The following AMBRA1 variants were observed in gnomAD, a reference collection of about 807,000 sequenced individuals.
AMBRA1 encodes the protein autophagy and beclin 1 regulator 1, also known as activating molecule in BECN1-regulated autophagy protein 1.
Under a neutral mutation model 125.4 loss-of-function variants are expected in AMBRA1, and 47 were observed. That is an observed-to-expected ratio of 0.37 (90% CI 0.30 to 0.48). AMBRA1 has a LOEUF of 0.48. Among genes scored for constraint, AMBRA1 ranks in the 20% least tolerant of loss-of-function variants. AMBRA1 has a pLI of 0.99. For synonymous variants in AMBRA1, 626 were observed against 655.5 expected, an observed-to-expected ratio of 0.95 and a Z score of 0.69; for missense variants, 1,331 against 1,693.4, an observed-to-expected ratio of 0.79 and a Z score of 3.76.
chr11:46,587,922 G>C (rs1178951437), intron 1 of AMBRA1, among the ~76,000 whole-genome samples: 1 of 152,022 alleles, frequency 6.6e-6, no homozygotes, highest in African/African-American at 2.4e-5. Flanking sequence ...GAATATTTCT[G>C]ACCTCAGAAA....
At chr11:46,515,477 C>T (rs1951439505) in intron 7 of AMBRA1, among the ~76,000 whole-genome samples, 1 of 97,236 alleles carries the variant, frequency 1.0e-5, no homozygotes, top group Non-Finnish European at 2.2e-5. Context: ...CATCTCAAAA[C>T]AAACAAACAA....
intron 1 of AMBRA1, among the ~76,000 whole-genome samples, chr11:46,576,997 G>C (rs990848410): frequency 1.3e-5 from 2 of 152,154 alleles, no homozygotes; most frequent in African/African-American, 4.8e-5. Flanking sequence ...CCCAATCTAA[G>C]CCCAGCCAAC....
Position 46,562,653 on chromosome 11 carries a change from G to A in AMBRA1, c.-120-14153C>T, listed in dbSNP as rs551069223. Among the ~76,000 whole-genome samples, 10 of 152,116 alleles carry A rather than the reference G, an allele frequency of 6.6e-5. No homozygotes were observed. In the South Asian group the frequency reaches 1.0e-3, roughly 16 times the overall value. ...GTTCTACTATATGTGTTATGTTTGC[G>A]GGTGGGGGAGCAGATTAAAGGGATA... On this transcript the variant is annotated intron_variant, in intron 1 of 17. Transcript: ENST00000683756.
chr11:46,425,844 A>G (rs551168307), intron 14 of AMBRA1, among the ~76,000 whole-genome samples: 80 of 148,712 alleles, frequency 5.4e-4, no homozygotes, highest in African/African-American at 1.9e-3. Context: ...CGTCTCAAAA[A>G]CAAAAAAAAA....
rs2042890377 is a variant in AMBRA1 at position 46,548,338 on chromosome 11, C to T, written c.43G>A (p.Gly15Arg). The part of the protein sequence containing the change: ...PEKNAVRILW[G>R]RERGARAMGA... ...ATGGCCCGAGCACCCCGTTCTCGCC[C>T]CCAGAGTATCCGGACAGCATTCTTT... The change falls in exon 2 of 18, where the codon GGG (glycine) becomes AGG (arginine). Residue 15 changes from glycine (G) to arginine (R), a missense_variant. Transcript: ENST00000683756. 1 of 1,614,128 alleles carries T rather than the reference C, an allele frequency of 6.2e-7. No homozygotes were observed. The highest frequency in any genetic ancestry group is 1.6e-4 in the Middle Eastern group (1 of 6,062).
At chr11:46,546,449 G>A (rs1224508949) in intron 4 of AMBRA1, among the ~76,000 whole-genome samples, 1 of 152,098 alleles carries the variant, frequency 6.6e-6, no homozygotes, top group Non-Finnish European at 1.5e-5. Flanking sequence ...TGATGATCAT[G>A]ATCGGAGTAC....
At chr11:46,435,680 A>G (rs1389114774) in intron 12 of AMBRA1, among the ~76,000 whole-genome samples, 1 of 152,230 alleles carries the variant, frequency 6.6e-6, no homozygotes, top group Non-Finnish European at 1.5e-5. Context: ...TTCATTTCCC[A>G]CTATGCTCTA....
chr11:46,573,704 T>G (rs541939946), intron 1 of AMBRA1, among the ~76,000 whole-genome samples: 225 of 151,024 alleles, frequency 1.5e-3, no homozygotes, highest in South Asian at 0.011. Flanking sequence ...TTAGGGTACA[T>G]GTGCATATTG....
chr11:46,547,294 G>A lies in AMBRA1; in HGVS notation c.197C>T (p.Thr66Ile). 1 of 1,602,920 alleles carries A rather than the reference G, an allele frequency of 6.2e-7. No individual in the cohort carries two copies. Among genetic ancestry groups the A allele is most frequent in the Admixed American group, 1.7e-5 (1 of 57,468 alleles). ...TFLLAFSPDR[T>I]LLASTHVNHN... ...GTTCACATGGGTGGAGGCTAAGAGA[G>A]TCCTAGAAAATCAAAGAGTAGAACT... The change falls in exon 4 of 18, where the codon ACT (threonine) becomes ATT (isoleucine). Residue 66 changes from threonine (T) to isoleucine (I), a missense_variant and splice_region_variant. Transcript: ENST00000683756.
chr11:46,404,724 G>A (rs909224989), intron 17 of AMBRA1, among the ~76,000 whole-genome samples: 6 of 152,192 alleles, frequency 3.9e-5, no homozygotes, highest in African/African-American at 9.7e-5. Flanking sequence ...TTTACAGGAG[G>A]AGGGGATAGT....
At chr11:46,490,248 G>C (rs1950414486) in intron 11 of AMBRA1, among the ~76,000 whole-genome samples, 1 of 152,092 alleles carries the variant, frequency 6.6e-6, no homozygotes, top group Non-Finnish European at 1.5e-5. Flanking sequence ...AGCTCTTTAA[G>C]TATGGGTCTA....
chr11:46,507,251 G>A (rs1417494444), intron 9 of AMBRA1, among the ~76,000 whole-genome samples: 4 of 147,072 alleles, frequency 2.7e-5, no homozygotes, highest in African/African-American at 7.6e-5. Context: ...AGGCCAAGGC[G>A]GGCAGATCAC....
intron 7 of AMBRA1, among the ~76,000 whole-genome samples, chr11:46,515,049 C>G (rs946836058): frequency 2.0e-5 from 3 of 152,160 alleles, no homozygotes; most frequent in African/African-American, 7.2e-5. Flanking sequence ...CCTAGAATAC[C>G]TAGAAGCTTG....
At chr11:46,590,307 G>T (rs1419652440) in intron 1 of AMBRA1, among the ~76,000 whole-genome samples, 1 of 151,762 alleles carries the variant, frequency 6.6e-6, no homozygotes, top group African/African-American at 2.4e-5. Flanking sequence ...GCCACTGCCT[G>T]CAGCCTGGTG....
chr11:46,476,855 G>C (rs935840428), intron 11 of AMBRA1, among the ~76,000 whole-genome samples: 2 of 152,194 alleles, frequency 1.3e-5, no homozygotes, highest in Admixed American at 1.3e-4. Context: ...CCTCACGCCT[G>C]TAATTCCAGC....
intron 11 of AMBRA1, among the ~76,000 whole-genome samples, chr11:46,484,643 T>C (rs1228318055): frequency 6.6e-6 from 1 of 150,950 alleles, no homozygotes; most frequent in East Asian, 1.9e-4. Context: ...CCACCTATAC[T>C]TCTTTGGCTT....
chr11:46,513,336 T>TA (rs1422735402), intron 7 of AMBRA1, among the ~76,000 whole-genome samples: 1 of 150,132 alleles, frequency 6.7e-6, no homozygotes, highest in Non-Finnish European at 1.5e-5. Flanking sequence ...ATTAAAAATA[T>TA]AAATATATAT....
chr11:46,481,738 C>A (rs953598215), intron 11 of AMBRA1, among the ~76,000 whole-genome samples: 1 of 152,178 alleles, frequency 6.6e-6, no homozygotes, highest in East Asian at 1.9e-4. Flanking sequence ...TCAGATCACA[C>A]CCCATGGTGG....
rs189367487 is a variant in AMBRA1 at position 46,569,623 on chromosome 11, G to A, written c.-120-21123C>T. ...GCATTCCAAAGAGATCTGCAAAAAT[G>A]CAAGGTCTGCCTGAGCATAGTGGCT... On this transcript the variant is annotated intron_variant, in intron 1 of 17. Coordinates refer to ENST00000683756, the MANE Select transcript of AMBRA1 (RefSeq NM_001387011.1). Among the ~76,000 whole-genome samples the A allele has an allele frequency of 2.7e-3, 408 of 152,022 alleles. 2 individuals are homozygous for A. Among genetic ancestry groups the A allele is most frequent in the African/African-American group, 9.5e-3 (394 of 41,454 alleles).
Sources: allele counts gnomAD v4.1 joint callset (sites outside exome capture counted in the v4.1 genomes callset), GRCh38; gene constraint gnomAD v4.1.1; transcripts MANE v1.5; gene names NCBI Gene and HGNC (gene_info 2026-07-23, HGNC 2026-07-21).